Variants in NGEF observed in about 807,000 individuals in gnomAD.
NGEF encodes neuronal guanine nucleotide exchange factor, also known as ephexin-1.
Under a neutral mutation model 80.9 loss-of-function variants are expected in NGEF, and 31 were observed. The observed-to-expected ratio is 0.38, with a 90% CI of 0.29 to 0.52. NGEF has a LOEUF of 0.52. NGEF is among the 20% of genes least tolerant of loss of function. NGEF has a pLI of 0.84. For missense variants in NGEF, 709 were observed against 926.2 expected (o/e 0.77, Z 3.04); for synonymous variants, 371 against 370.2 (o/e 1.00, Z -0.03).
intron 5 of NGEF, among the ~76,000 whole-genome samples, chr2:232,904,951 A>C (rs1692457149): frequency 6.6e-6 from 1 of 152,226 alleles, no homozygotes; most frequent in Admixed American, 6.5e-5. Flanking sequence ...TCTAAATAAA[A>C]AAACAAACAA....
intron 2 of NGEF, among the ~76,000 whole-genome samples, chr2:232,971,417 G>A (rs184397018): frequency 6.6e-6 from 1 of 152,340 alleles, no homozygotes; most frequent in East Asian, 1.9e-4. Context: ...AGGCGCGGTG[G>A]CTCACGCCTG....
At chr2:232,924,761 C>T (rs1693024563) in intron 4 of NGEF, among the ~76,000 whole-genome samples, 2 of 152,170 alleles carry the variant, frequency 1.3e-5, no homozygotes, top group Admixed American at 1.3e-4. Flanking sequence ...TGCTTAAGAG[C>T]ACTTTTTGTT....
chr2:232,979,357 T>TACAC (rs375393249), intron 1 of NGEF, among the ~76,000 whole-genome samples: 1,264 of 110,344 alleles, frequency 0.011, 7 homozygotes, highest in South Asian at 0.031. Flanking sequence ...GAGATGATTT[T>TACAC]ACACACACAC....
intron 8 of NGEF, 116 bp downstream of exon 8, chr2:232,891,242 G>C: frequency 7.4e-7 from 1 of 1,350,340 alleles, no homozygotes; most frequent in Non-Finnish European, 1.0e-6. Flanking sequence ...GGCACACATG[G>C]GAGGAGCTTA....
chr2:233,001,726 A>G (rs1694982495), intron 1 of NGEF, among the ~76,000 whole-genome samples: 1 of 152,214 alleles, frequency 6.6e-6, no homozygotes, highest in East Asian at 1.9e-4. Flanking sequence ...TAAAAATACA[A>G]AAGTTAGCCA....
chr2:232,989,962 G>A (rs1694619538), intron 1 of NGEF, among the ~76,000 whole-genome samples: 1 of 152,136 alleles, frequency 6.6e-6, no homozygotes, highest in Non-Finnish European at 1.5e-5. Context: ...GTAAAGAAGA[G>A]ACTGTGTACA....
Position 232,879,455 on chromosome 2 carries a change from C to A in NGEF, c.*34G>T. ...CCCCACCTTCTGTCGGGGTCTCATGCAGGCCCTGCTCCCGCTGGCCCCCTG... is the reference window on the plus strand; with the variant it reads ...CCCCACCTTCTGTCGGGGTCTCATGAAGGCCCTGCTCCCGCTGGCCCCCTG... On this transcript the variant is annotated 3_prime_UTR_variant, in exon 15 of 15. Coordinates refer to ENST00000264051, the MANE Select transcript of NGEF (RefSeq NM_019850.3). 7.3e-7 allele frequency: 1 copy of A among 1,374,592 alleles called. No individual in the cohort carries two copies. Among genetic ancestry groups the A allele is most frequent in the South Asian group, 1.3e-5 (1 of 77,740 alleles). 85.1% of individuals were successfully genotyped at this position (1,374,592 alleles called of 1,614,324 possible). A position where few individuals can be genotyped will look rare whatever the true frequency, so the allele number is the denominator to read the frequency against.
intron 1 of NGEF, among the ~76,000 whole-genome samples, chr2:232,985,465 A>G (rs1694512613): frequency 6.6e-6 from 1 of 151,984 alleles, no homozygotes; most frequent in Non-Finnish European, 1.5e-5. Flanking sequence ...AAAAATACAA[A>G]AATTAGGCCA....
chr2:232,903,586 T>G (rs2106254217), intron 5 of NGEF, among the ~76,000 whole-genome samples: 1 of 152,262 alleles, frequency 6.6e-6, no homozygotes, highest in South Asian at 2.1e-4. Flanking sequence ...AACCAAAAGA[T>G]AAATTTAAAA....
At chr2:232,925,604 C>T (rs1284018504) in intron 4 of NGEF, among the ~76,000 whole-genome samples, 1 of 152,162 alleles carries the variant, frequency 6.6e-6, no homozygotes, top group Non-Finnish European at 1.5e-5. Context: ...AAGACAGCTC[C>T]ACACACCCAC....
intron 5 of NGEF, among the ~76,000 whole-genome samples, chr2:232,899,339 C>T (rs1340635735): frequency 1.3e-5 from 2 of 152,096 alleles, no homozygotes; most frequent in Admixed American, 6.5e-5. Context: ...CTGGGAATGG[C>T]GCTCTCAGCT....
intron 1 of NGEF, among the ~76,000 whole-genome samples, chr2:232,981,039 G>A (rs1016504308): frequency 2.0e-5 from 3 of 151,564 alleles, no homozygotes; most frequent in African/African-American, 4.9e-5. Flanking sequence ...GCCATCTCTC[G>A]CTATCGTCTT....
rs377551090 is a variant in NGEF at position 232,969,578 on chromosome 2, A to G, written c.383+636T>C. On this transcript the variant is annotated intron_variant, in intron 3 of 14. Coordinates refer to ENST00000264051, the MANE Select transcript of NGEF (RefSeq NM_019850.3). ...GATTGGAGTGCAGTGGCTCTATCTC[A>G]CCTCACTGCAACCTCCACATCCCGG... Among the ~76,000 whole-genome samples, 942 of 142,706 alleles carry G rather than the reference A, an allele frequency of 6.6e-3. 42 individuals are homozygous for G. In the South Asian group the frequency reaches 0.11, roughly 17 times the overall value. The allele number at this position is 142,706 out of a possible 152,430, so 93.6% of individuals were successfully genotyped here.
chr2:232,997,112 G>A (rs755511214), intron 1 of NGEF, among the ~76,000 whole-genome samples: 8 of 151,518 alleles, frequency 5.3e-5, no homozygotes, highest in Non-Finnish European at 8.8e-5. Context: ...TCTCAGTGCC[G>A]TGTGGCAGTG....
At chr2:232,888,820 C>T (rs905405549) in intron 8 of NGEF, among the ~76,000 whole-genome samples, 2 of 152,234 alleles carry the variant, frequency 1.3e-5, no homozygotes, top group African/African-American at 4.8e-5. Flanking sequence ...GTCTCTTCTC[C>T]AACTGTTCAA....
At chr2:232,923,542 C>A (rs1207117992) in intron 4 of NGEF, among the ~76,000 whole-genome samples, 1 of 151,950 alleles carries the variant, frequency 6.6e-6, no homozygotes, top group African/African-American at 2.4e-5. Context: ...TCGAGACCAG[C>A]CTGGGCAACA....
chr2:232,893,152 G>A (rs1574994077), intron 6 of NGEF, 102 bp from the exon 7 acceptor site: 1 of 1,211,792 alleles, frequency 8.3e-7, no homozygotes, highest in East Asian at 2.4e-5. Context: ...ATTGGACATA[G>A]CAGTGTGCAC....
chr2:232,918,149 G>A (rs1228352067), intron 5 of NGEF, among the ~76,000 whole-genome samples: 1 of 152,082 alleles, frequency 6.6e-6, no homozygotes, highest in Non-Finnish European at 1.5e-5. Flanking sequence ...GTAAATACGG[G>A]GTTTCACCAC....
intron 1 of NGEF, among the ~76,000 whole-genome samples, chr2:232,978,690 C>T (rs375523921): frequency 6.6e-6 from 1 of 151,984 alleles, no homozygotes; most frequent in Non-Finnish European, 1.5e-5. Flanking sequence ...CCGCCCCCAG[C>T]CCCGGCAACC....
Sources: gnomAD v4.1 joint callset for allele counts (sites outside exome capture counted in the v4.1 genomes callset) on GRCh38, gnomAD v4.1.1 for gene constraint, MANE v1.5 for transcripts, NCBI Gene and HGNC (gene_info 2026-07-23, HGNC 2026-07-21) for gene names.